The following DLGAP1 variants were observed in gnomAD, a reference collection of about 807,000 sequenced individuals.
DLGAP1 encodes the protein DLG associated protein 1, also known as disks large-associated protein 1.
A neutral mutation model predicts 90.8 loss-of-function variants in DLGAP1; 11 were observed. The ratio of observed to expected loss-of-function variants is 0.12; its 90% CI spans 0.08 to 0.20. DLGAP1 has a LOEUF of 0.20. DLGAP1 is among the 10% of genes least tolerant of loss of function. The probability of loss-of-function intolerance (pLI) is 1.00; values close to 1 mark genes in which losing one functional copy is unlikely to be tolerated. For synonymous variants in DLGAP1, 558 were observed against 540.7 expected, an observed-to-expected ratio of 1.03 and a Z score of -0.44; for missense variants, 1,050 against 1,333.8, an observed-to-expected ratio of 0.79 and a Z score of 3.31.
chr18:4,427,023 G>A (rs1310067844), intron 1 of DLGAP1, among the ~76,000 whole-genome samples: 1 of 152,222 alleles, frequency 6.6e-6, no homozygotes, highest in Non-Finnish European at 1.5e-5. Flanking sequence ...AGAATGCCTT[G>A]CCATAATGGA....
At chr18:4,204,360 A>C (rs944523800) in intron 1 of DLGAP1, among the ~76,000 whole-genome samples, 1 of 152,230 alleles carries the variant, frequency 6.6e-6, no homozygotes, top group African/African-American at 2.4e-5. Flanking sequence ...AAAAGGTGGG[A>C]ATCTTGCCAA....
intron 1 of DLGAP1, among the ~76,000 whole-genome samples, chr18:4,246,125 T>C (rs2078648519): frequency 1.3e-5 from 2 of 152,184 alleles, no homozygotes; most frequent in African/African-American, 4.8e-5. Context: ...CTTGGGGCTA[T>C]TTGGGGGCTG....
intron 1 of DLGAP1, among the ~76,000 whole-genome samples, chr18:4,447,697 A>G (rs1233551141): frequency 6.6e-6 from 1 of 152,214 alleles, no homozygotes; most frequent in African/African-American, 2.4e-5. Context: ...TGTGTGACAC[A>G]GGTACAGAGT....
rs182956918 is a variant in DLGAP1 at position 3,901,654 on chromosome 18, C to T, written c.-72-21514G>A. Among the ~76,000 whole-genome samples, 10 of 152,170 alleles carry T rather than the reference C, an allele frequency of 6.6e-5. No individual in the cohort carries two copies. The East Asian group carries it at 1.2e-3, about 18-fold the overall frequency. On this transcript the variant is annotated intron_variant, in intron 3 of 12. Transcript: ENST00000315677. ...CCTCATGGGTGGCAATATTTTACCA[C>T]CTACATGGGGTATTTTCACTTTACT...
At position 3,775,961 on chromosome 18, in the gene DLGAP1, C is replaced by T. The variant is rs951320172; in HGVS notation, c.1173-33449G>A. On this transcript the variant is annotated intron_variant, in intron 5 of 12. Coordinates refer to ENST00000315677, the MANE Select transcript of DLGAP1 (RefSeq NM_004746.4). This position sits in a 1 kb window ranked among gnomAD's most constrained non-coding sequence, Gnocchi z 4.9. ...ATGGTAAAGGTGCAGCTTGAACTCACGTCCTTGGAATTCAGAACGAATGCC... is the reference window on the plus strand; with the variant it reads ...ATGGTAAAGGTGCAGCTTGAACTCATGTCCTTGGAATTCAGAACGAATGCC... 3.9e-5 allele frequency among the ~76,000 whole-genome samples: 6 copies of T among 152,072 alleles called. No individual in the cohort carries two copies. Among genetic ancestry groups the T allele is most frequent in the African/African-American group, 7.3e-5 (3 of 41,368 alleles).
At chr18:3,826,527 C>T (rs919128233) in intron 4 of DLGAP1, among the ~76,000 whole-genome samples, 8 of 152,020 alleles carry the variant, frequency 5.3e-5, no homozygotes, top group Admixed American at 2.0e-4. Context: ...GCAGAGTGCT[C>T]AAGGCACAAA....
intron 1 of DLGAP1, among the ~76,000 whole-genome samples, chr18:4,162,408 A>C (rs2144516825): frequency 6.6e-6 from 1 of 152,266 alleles, no homozygotes; most frequent in South Asian, 2.1e-4. Context: ...GATTAAAGGA[A>C]ATGTTTTACT....
At chr18:4,223,734 A>G (rs2078127819) in intron 1 of DLGAP1, among the ~76,000 whole-genome samples, 1 of 152,166 alleles carries the variant, frequency 6.6e-6, no homozygotes, top group South Asian at 2.1e-4. Flanking sequence ...TTGAAAGTGT[A>G]TTAGTGGTGT....
chr18:3,758,778 C>T lies in DLGAP1; in HGVS notation c.1173-16266G>A, dbSNP rs112331571. On this transcript the variant is annotated intron_variant, in intron 5 of 12. Coordinates refer to ENST00000315677, the MANE Select transcript of DLGAP1 (RefSeq NM_004746.4). ...TATGACTCCTCCAGCATAAGCGTCA[C>T]GCATAGTAGGATTGCAGATGCCCGA... Among the ~76,000 whole-genome samples, 393 of 152,302 alleles carry T rather than the reference C, an allele frequency of 2.6e-3. 2 individuals are homozygous for T. Among genetic ancestry groups the T allele is most frequent in the African/African-American group, 9.1e-3 (378 of 41,560 alleles).
intron 2 of DLGAP1, among the ~76,000 whole-genome samples, chr18:4,057,908 C>A (rs1157974554): frequency 6.6e-6 from 1 of 152,152 alleles, no homozygotes; most frequent in Non-Finnish European, 1.5e-5. Context: ...TACTAACCAA[C>A]TAGTAGGGAT....
At chr18:3,764,492 C>T (rs560932599) in intron 5 of DLGAP1, among the ~76,000 whole-genome samples, 1 of 152,320 alleles carries the variant, frequency 6.6e-6, no homozygotes, top group South Asian at 2.1e-4. Context: ...CCAATGCTAT[C>T]CTAAGTACAG....
At chr18:3,857,522 T>C (rs915380311) in intron 4 of DLGAP1, among the ~76,000 whole-genome samples, 2 of 152,210 alleles carry the variant, frequency 1.3e-5, no homozygotes, top group African/African-American at 4.8e-5. Flanking sequence ...TACTTCCCAA[T>C]TGCCAAGTTC....
rs770010017 is a variant in DLGAP1, at chr18:4,195,275, C to CT, written c.-266-43989dup. The stretch of plus-strand genomic sequence containing the variant: ...ACAGTACAATATATGAGACTTTGAA[C>CT]TTTTTTTTTTAACTTCGTGAGCAAC... On this transcript the variant is annotated intron_variant, in intron 1 of 12. Coordinates refer to ENST00000315677, the MANE Select transcript of DLGAP1 (RefSeq NM_004746.4). Among the ~76,000 whole-genome samples, 650 of 149,482 alleles carry CT rather than the reference C, an allele frequency of 4.3e-3. 5 individuals carry two copies. The highest frequency in any genetic ancestry group is 0.014 in the African/African-American group (577 of 40,754).
At chr18:3,758,542 C>T (rs2063813326) in intron 5 of DLGAP1, among the ~76,000 whole-genome samples, 1 of 152,224 alleles carries the variant, frequency 6.6e-6, no homozygotes, top group Admixed American at 6.5e-5. Context: ...AATGCCTGCG[C>T]TCCAAATGAG....
At chr18:4,037,113 G>C (rs1172635575) in intron 2 of DLGAP1, among the ~76,000 whole-genome samples, 1 of 152,202 alleles carries the variant, frequency 6.6e-6, no homozygotes, top group African/African-American at 2.4e-5. Context: ...AGAAGGCAAA[G>C]TTGTACTTCA....
chr18:4,404,383 G>T (rs548529304), intron 1 of DLGAP1, among the ~76,000 whole-genome samples: 1 of 152,174 alleles, frequency 6.6e-6, no homozygotes, highest in East Asian at 1.9e-4. Context: ...GTTTACATTT[G>T]CTGAGCACAC....
intron 1 of DLGAP1, among the ~76,000 whole-genome samples, chr18:4,202,941 G>T (rs2077635035): frequency 6.6e-6 from 1 of 152,144 alleles, no homozygotes; most frequent in Non-Finnish European, 1.5e-5. Flanking sequence ...AACACAGGCA[G>T]ATTTTCTCTC....
intron 1 of DLGAP1, among the ~76,000 whole-genome samples, chr18:4,218,401 T>C (rs971518342): frequency 2.0e-5 from 3 of 152,054 alleles, no homozygotes; most frequent in African/African-American, 4.8e-5. Context: ...ATATTTACAA[T>C]GTAGAATGAT....
At chr18:3,889,751 G>C (rs950873099) in intron 3 of DLGAP1, among the ~76,000 whole-genome samples, 2 of 152,206 alleles carry the variant, frequency 1.3e-5, no homozygotes, top group African/African-American at 4.8e-5. Flanking sequence ...GGGAAATCTA[G>C]GTGGGGATGT....
Sources: allele counts gnomAD v4.1 joint callset (sites outside exome capture counted in the v4.1 genomes callset), GRCh38; gene constraint gnomAD v4.1.1; non-coding constraint Gnocchi (gnomAD v3.1); transcripts MANE v1.5; gene names NCBI Gene and HGNC (gene_info 2026-07-23, HGNC 2026-07-21).